Variants in DAB1 observed in about 807,000 individuals in gnomAD.
DAB1 encodes disabled homolog 1.
A neutral mutation model predicts 64.6 loss-of-function variants in DAB1; 15 were observed. That is an observed-to-expected ratio of 0.23 (90% CI 0.16 to 0.36). DAB1 has a LOEUF of 0.36. Among genes scored for constraint, DAB1 ranks in the 10% least tolerant of loss-of-function variants. The pLI is 1.00. For synonymous variants in DAB1, 235 were observed against 251.9 expected (o/e 0.93, Z 0.64); for missense variants, 596 against 706.7 (o/e 0.84, Z 1.78).
intron 5 of DAB1, among the ~76,000 whole-genome samples, chr1:57,944,972 T>C (rs1308942831): frequency 3.3e-5 from 5 of 152,198 alleles, no homozygotes; most frequent in Non-Finnish European, 5.9e-5. Context: ...CCTAGTGAGA[T>C]AGTGAAACCT....
At chr1:58,406,875 T>TTAAC (rs1311045215) in intron 3 of DAB1, among the ~76,000 whole-genome samples, 1 of 152,088 alleles carries the variant, frequency 6.6e-6, no homozygotes, top group African/African-American at 2.4e-5. Flanking sequence ...AGCAAGTTAC[T>TTAAC]TAACCTCTCT....
intron 1 of DAB1, among the ~76,000 whole-genome samples, chr1:57,357,221 T>C (rs368239832): frequency 6.6e-6 from 1 of 152,028 alleles, no homozygotes; most frequent in African/African-American, 2.4e-5. Context: ...GGAAAGGAGT[T>C]TGCTTATACT....
At chr1:58,224,552 T>C (rs1659356615) in intron 4 of DAB1, among the ~76,000 whole-genome samples, 1 of 152,170 alleles carries the variant, frequency 6.6e-6, no homozygotes, top group African/African-American at 2.4e-5. Context: ...TCCAAGATCT[T>C]GTAGACTAGT....
intron 4 of DAB1, among the ~76,000 whole-genome samples, chr1:58,322,927 C>G (rs911976982): frequency 6.6e-6 from 1 of 152,096 alleles, no homozygotes; most frequent in Non-Finnish European, 1.5e-5. Context: ...AGAATGAGTT[C>G]ATGTCCTTTG....
intron 11 of DAB1, among the ~76,000 whole-genome samples, chr1:57,019,474 G>T (rs1341262561): frequency 6.6e-6 from 1 of 152,148 alleles, no homozygotes; most frequent in East Asian, 1.9e-4. Flanking sequence ...ATATTCAAAA[G>T]AAAAAAGGCA....
intron 1 of DAB1, among the ~76,000 whole-genome samples, chr1:57,415,083 T>C (rs1684388899): frequency 6.6e-6 from 1 of 152,170 alleles, no homozygotes; most frequent in Non-Finnish European, 1.5e-5. Context: ...AAGGACACTT[T>C]TAGGGATGTG....
intron 4 of DAB1, among the ~76,000 whole-genome samples, chr1:57,121,541 T>C (rs1331019012): frequency 2.6e-5 from 4 of 151,678 alleles, no homozygotes; most frequent in Non-Finnish European, 5.9e-5. Context: ...GCTTAATAAA[T>C]GTTCACTGAA....
intron 4 of DAB1, among the ~76,000 whole-genome samples, chr1:58,207,341 AG>A (rs1297751866): frequency 1.3e-5 from 2 of 152,236 alleles, no homozygotes; most frequent in South Asian, 2.1e-4. Flanking sequence ...TCTCCAGGGT[AG>A]GAAAACATCT....
intron 2 of DAB1, among the ~76,000 whole-genome samples, chr1:57,178,098 T>C (rs1284155695): frequency 6.6e-6 from 1 of 152,136 alleles, no homozygotes; most frequent in Admixed American, 6.6e-5. Flanking sequence ...AGTTCAAAAG[T>C]ACCAAGTATT....
exon 2 of DAB1, chr1:58,527,279 T>C: frequency 1.1e-6 from 1 of 872,330 alleles, no homozygotes; most frequent in Non-Finnish European, 2.0e-6. Flanking sequence ...CAAGCAGTAG[T>C]CCAATTTTGT....
At chr1:57,595,238 T>A (rs1645493664) in intron 7 of DAB1, among the ~76,000 whole-genome samples, 1 of 152,002 alleles carries the variant, frequency 6.6e-6, no homozygotes, top group Admixed American at 6.6e-5. Context: ...AAATTTTTTT[T>A]AGATTCTAAA....
intron 7 of DAB1, among the ~76,000 whole-genome samples, chr1:57,464,125 CT>C (rs1400805030): frequency 1.3e-5 from 2 of 152,150 alleles, no homozygotes; most frequent in Non-Finnish European, 2.9e-5. Context: ...ACTAAATGCT[CT>C]ACATGGATTT....
At chr1:57,542,561 G>A (rs1286323137) in intron 7 of DAB1, among the ~76,000 whole-genome samples, 1 of 151,576 alleles carries the variant, frequency 6.6e-6, no homozygotes, top group Non-Finnish European at 1.5e-5. Context: ...ATAAACAAAG[G>A]AGGTGCAGGG....
At chr1:58,085,956 C>T (rs897426810) in intron 5 of DAB1, among the ~76,000 whole-genome samples, 465 of 120,988 alleles carry the variant, frequency 3.8e-3, no homozygotes, top group Non-Finnish European at 5.7e-3. Context: ...TGATCTCTCT[C>T]TCTTTTTTTT....
intron 3 of DAB1, among the ~76,000 whole-genome samples, chr1:58,394,671 A>G (rs1354034811): frequency 6.6e-6 from 1 of 152,234 alleles, no homozygotes; most frequent in African/African-American, 2.4e-5. Context: ...AATGATTCTA[A>G]TTATATGAAC....
chr1:58,249,497 C>T (rs1660700751), intron 4 of DAB1, among the ~76,000 whole-genome samples: 1 of 152,024 alleles, frequency 6.6e-6, no homozygotes, highest in Non-Finnish European at 1.5e-5. Context: ...AGAAAGCATG[C>T]GTCCGGATGG....
At chr1:57,595,551 G>A (rs1342687198) in intron 7 of DAB1, among the ~76,000 whole-genome samples, 1 of 152,124 alleles carries the variant, frequency 6.6e-6, no homozygotes, top group Non-Finnish European at 1.5e-5. Context: ...AAATGAGCAA[G>A]TGGCTGTCCT....
intron 5 of DAB1, among the ~76,000 whole-genome samples, chr1:57,991,878 C>A (rs1646347551): frequency 7.7e-6 from 1 of 130,566 alleles, no homozygotes. Flanking sequence ...AAGGAGTAGG[C>A]CAGAGAACGC....
intron 2 of DAB1, among the ~76,000 whole-genome samples, chr1:57,284,951 C>T (rs1353216331): frequency 1.3e-5 from 2 of 152,194 alleles, no homozygotes; most frequent in Non-Finnish European, 2.9e-5. Context: ...GAGGCATCTG[C>T]CCTGTGATCA....
Sources: allele counts gnomAD v4.1 joint callset (sites outside exome capture counted in the v4.1 genomes callset), GRCh38; gene constraint gnomAD v4.1.1; transcripts MANE v1.5; gene names NCBI Gene and HGNC (gene_info 2026-07-23, HGNC 2026-07-21).